Variants in AGBL1 observed in about 807,000 individuals in gnomAD.
AGBL1 encodes AGBL carboxypeptidase 1.
AGBL1 carries 130 observed loss-of-function variants against 118.9 expected under a neutral mutation model. The observed-to-expected ratio is 1.09, with a 90% CI of 0.95 to 1.26. AGBL1 has a LOEUF of 1.26. AGBL1 is among the 50% of genes most tolerant of loss of function. The pLI, the probability that AGBL1 is intolerant of heterozygous loss-of-function variation, is 0.00. For synonymous variants in AGBL1, 555 were observed against 478.9 expected (o/e 1.16, Z -2.08); for missense variants, 1,584 against 1,298.1 (o/e 1.22, Z -3.38).
At chr15:86,978,235 A>G (rs543160496) in intron 23 of AGBL1, among the ~76,000 whole-genome samples, 8 of 152,140 alleles carry the variant, frequency 5.3e-5, no homozygotes, top group Non-Finnish European at 8.8e-5. Context: ...CAACAAGACT[A>G]AAAAAAGAAT....
intron 22 of AGBL1, among the ~76,000 whole-genome samples, chr15:86,734,625 T>A (rs115547567): frequency 1.3e-3 from 198 of 152,264 alleles, no homozygotes; most frequent in African/African-American, 4.6e-3. Flanking sequence ...ACTCCTATGC[T>A]GTGGAGTCAT....
At chr15:86,766,939 G>A (rs779993743) in intron 22 of AGBL1, among the ~76,000 whole-genome samples, 1 of 151,938 alleles carries the variant, frequency 6.6e-6, no homozygotes, top group African/African-American at 2.4e-5. Context: ...GGCTGGAATA[G>A]AGGGAGGAAC....
intron 18 of AGBL1, among the ~76,000 whole-genome samples, chr15:86,466,054 G>A (rs957944513): frequency 6.6e-6 from 1 of 152,074 alleles, no homozygotes; most frequent in Non-Finnish European, 1.5e-5. Context: ...TCTTTCTTTT[G>A]TATTCTTTCT....
intron 1 of AGBL1, chr15:86,107,694 A>G (rs1009611790): frequency 5.9e-5 from 9 of 152,186 alleles, no homozygotes; most frequent in Non-Finnish European, 1.2e-4. Context: ...AAACATTTGT[A>G]CTCACATTTA....
intron 22 of AGBL1, among the ~76,000 whole-genome samples, chr15:86,889,341 C>A: frequency 9.1e-6 from 1 of 110,486 alleles, no homozygotes; most frequent in Non-Finnish European, 1.7e-5. Flanking sequence ...ATGCTCTGAT[C>A]TTCTTTTCTG....
At chr15:86,809,692 T>C (rs1051482083) in intron 22 of AGBL1, among the ~76,000 whole-genome samples, 1 of 152,180 alleles carries the variant, frequency 6.6e-6, no homozygotes, top group African/African-American at 2.4e-5. Flanking sequence ...TCCAATCATA[T>C]TGGGTCATTT....
chr15:86,890,388 A>G (rs1470112579), intron 22 of AGBL1, among the ~76,000 whole-genome samples: 2 of 152,050 alleles, frequency 1.3e-5, no homozygotes, highest in Non-Finnish European at 2.9e-5. Flanking sequence ...GCAGAAGCTC[A>G]TTAGTTTAAT....
chr15:86,274,590 C>T lies in AGBL1; in HGVS notation c.2075+2884C>T, dbSNP rs143512152. On this transcript the variant is annotated intron_variant, in intron 15 of 22. Transcript: ENST00000614907. The stretch of plus-strand genomic sequence containing the variant: ...AAAAAGGAGGGGAGCTAGCTGTTCC[C>T]ACTTCTCCCTTTGGAGACCTCTCCC... Among the ~76,000 whole-genome samples the T allele has an allele frequency of 3.8e-3, 583 of 152,274 alleles. 5 individuals carry two copies. Among genetic ancestry groups the T allele is most frequent in the African/African-American group, 0.013 (554 of 41,548 alleles).
intron 17 of AGBL1, among the ~76,000 whole-genome samples, chr15:86,393,784 T>C (rs1402735573): frequency 2.0e-5 from 3 of 152,146 alleles, no homozygotes; most frequent in Admixed American, 2.0e-4. Context: ...CCCAAAATTA[T>C]ATGTTGAAAT....
intron 19 of AGBL1, among the ~76,000 whole-genome samples, chr15:86,529,574 C>A (rs1198867166): frequency 1.7e-5 from 2 of 117,030 alleles, no homozygotes; most frequent in Admixed American, 7.5e-5. Context: ...TCTAGCAAGG[C>A]AGGCCAACAT....
At chr15:86,930,123 A>T (rs2080588345) in intron 23 of AGBL1, among the ~76,000 whole-genome samples, 1 of 152,166 alleles carries the variant, frequency 6.6e-6, no homozygotes, top group Non-Finnish European at 1.5e-5. Flanking sequence ...GATGAATATT[A>T]TCGTCAATGG....
chr15:86,780,506 G>A (rs1453440435), intron 22 of AGBL1, among the ~76,000 whole-genome samples: 2 of 152,048 alleles, frequency 1.3e-5, no homozygotes, highest in Non-Finnish European at 2.9e-5. Flanking sequence ...CCCACCAAAA[G>A]TACATTCTGG....
At chr15:86,221,237 C>G (rs1166065493) in intron 5 of AGBL1, among the ~76,000 whole-genome samples, 1 of 151,896 alleles carries the variant, frequency 6.6e-6, no homozygotes, top group African/African-American at 2.4e-5. Context: ...AAGTCCTATT[C>G]TATAAAATCA....
Position 86,903,992 on chromosome 15 carries a change from G to A in AGBL1, c.3159-3095G>A, listed in dbSNP as rs533789523. Among the ~76,000 whole-genome samples, 8 of 136,290 alleles carry A rather than the reference G, an allele frequency of 5.9e-5. No individual in the cohort carries two copies. The South Asian group carries it at 1.6e-3, about 27-fold the overall frequency. 89.4% of individuals were successfully genotyped at this position (136,290 alleles called of 152,430 possible). ...TTGGCTCCCGCATGAGGGAGATGGG[G>A]GTCTGGTGAGAGTAGAAGCCTAGGC... On this transcript the variant is annotated intron_variant, in intron 22 of 22. Coordinates refer to ENST00000614907, the MANE Select transcript of AGBL1 (RefSeq NM_001386094.1).
At chr15:86,207,961 A>G (rs953633309) in intron 5 of AGBL1, among the ~76,000 whole-genome samples, 3 of 152,088 alleles carry the variant, frequency 2.0e-5, no homozygotes, top group African/African-American at 7.2e-5. Flanking sequence ...TGTCATAAAC[A>G]GCTCTGATTA....
At chr15:86,172,450 T>C (rs116955200) in intron 5 of AGBL1, among the ~76,000 whole-genome samples, 2,422 of 152,284 alleles carry the variant, frequency 0.016, 28 homozygotes, top group East Asian at 0.071. Context: ...AACACTGGAA[T>C]CTATTCCTTC....
intron 21 of AGBL1, among the ~76,000 whole-genome samples, chr15:86,673,079 T>C (rs8042400): frequency 0.038 from 5,780 of 152,246 alleles, 378 homozygotes; most frequent in African/African-American, 0.13. Flanking sequence ...AATCTATTCA[T>C]AAAAAATGAT....
intron 10 of AGBL1, 27 bp from the exon 11 acceptor site, chr15:86,264,231 A>C: frequency 6.6e-7 from 1 of 1,504,938 alleles, no homozygotes; most frequent in Non-Finnish European, 9.0e-7. Flanking sequence ...ACACACTAAC[A>C]TATTGTATTC....
chr15:86,357,984 G>A (rs1303621309), intron 17 of AGBL1, among the ~76,000 whole-genome samples: 1 of 152,030 alleles, frequency 6.6e-6, no homozygotes, highest in Admixed American at 6.6e-5. Context: ...CCACAATTAA[G>A]CTAATTAATA....
Sources: gnomAD v4.1 joint callset for allele counts (sites outside exome capture counted in the v4.1 genomes callset) on GRCh38, gnomAD v4.1.1 for gene constraint, MANE v1.5 for transcripts, NCBI Gene and HGNC (gene_info 2026-07-23, HGNC 2026-07-21) for gene names.